The following BCHE variants were observed in gnomAD, a reference collection of about 807,000 sequenced individuals.
BCHE encodes the protein cholinesterase.
Under a neutral mutation model 51.3 loss-of-function variants are expected in BCHE, and 48 were observed. The observed-to-expected ratio is 0.94, with a 90% CI of 0.74 to 1.19. The LOEUF (loss-of-function observed/expected upper bound fraction) is 1.19. BCHE is among the 50% of genes most tolerant of loss of function. The probability of loss-of-function intolerance (pLI) is 0.00; values close to 1 mark genes in which losing one functional copy is unlikely to be tolerated. For synonymous variants in BCHE, 251 were observed against 238.0 expected (o/e 1.05, Z -0.50); for missense variants, 847 against 708.2 (o/e 1.20, Z -2.23).
At chr3:165,835,085 T>C (rs1278087385) in intron 1 of BCHE, among the ~76,000 whole-genome samples, 1 of 151,878 alleles carries the variant, frequency 6.6e-6, no homozygotes, top group African/African-American at 2.4e-5. Context: ...TTTGAGGAAT[T>C]TGAGTTTTTG....
chr3:165,831,712 C>T (rs1468355871), intron 1 of BCHE, among the ~76,000 whole-genome samples: 1 of 152,108 alleles, frequency 6.6e-6, no homozygotes, highest in Non-Finnish European at 1.5e-5. Flanking sequence ...AACTAACAAA[C>T]ATGCTACCAC....
chr3:165,825,746 C>T (rs1244061356), intron 2 of BCHE, among the ~76,000 whole-genome samples: 3 of 152,126 alleles, frequency 2.0e-5, no homozygotes, highest in Non-Finnish European at 2.9e-5. Flanking sequence ...TGTTCCCCTT[C>T]CTGTGTCCAT....
At chr3:165,827,036 T>G (rs1195741157) in intron 2 of BCHE, among the ~76,000 whole-genome samples, 1 of 152,046 alleles carries the variant, frequency 6.6e-6, no homozygotes, top group East Asian at 1.9e-4. Context: ...CCCTTGGAAA[T>G]TACAGATTTG....
intron 1 of BCHE, among the ~76,000 whole-genome samples, chr3:165,834,582 C>A (rs1715118826): frequency 6.6e-6 from 1 of 151,682 alleles, no homozygotes; most frequent in Non-Finnish European, 1.5e-5. Flanking sequence ...TCACTTTGCC[C>A]TTTTTATAAT....
intron 2 of BCHE, among the ~76,000 whole-genome samples, chr3:165,791,211 C>G (rs1231962019): frequency 2.0e-5 from 3 of 151,616 alleles, no homozygotes; most frequent in African/African-American, 7.3e-5. Flanking sequence ...AGGAGAATGG[C>G]TTGAACCCGG....
At chr3:165,824,971 TA>T (rs1714665628) in intron 2 of BCHE, among the ~76,000 whole-genome samples, 1 of 152,094 alleles carries the variant, frequency 6.6e-6, no homozygotes, top group Admixed American at 6.6e-5. Context: ...AAGCTGATTC[TA>T]ATCTTTATTT....
chr3:165,811,239 G>T (rs184954018), intron 2 of BCHE, among the ~76,000 whole-genome samples: 1 of 152,080 alleles, frequency 6.6e-6, no homozygotes, highest in African/African-American at 2.4e-5. Context: ...TTTGTAGGCA[G>T]TTAGACTCTT....
At chr3:165,835,349 A>T (rs1303643227) in intron 1 of BCHE, among the ~76,000 whole-genome samples, 1 of 151,856 alleles carries the variant, frequency 6.6e-6, no homozygotes, top group Non-Finnish European at 1.5e-5. Flanking sequence ...TATCAACCAG[A>T]TTTTCAAAAT....
At chr3:165,832,381 C>T (rs573517702) in intron 1 of BCHE, among the ~76,000 whole-genome samples, 3 of 150,760 alleles carry the variant, frequency 2.0e-5, no homozygotes, top group African/African-American at 7.3e-5. Flanking sequence ...CAACCTCTGC[C>T]TCCTGGGCTC....
rs1383286555 is a variant in BCHE, at chr3:165,829,871, C to T, written c.1163G>A (p.Gly388Glu). 6.2e-7 allele frequency: 1 copy of T among 1,611,786 alleles called. No homozygotes were observed. Among genetic ancestry groups the T allele is most frequent in the Non-Finnish European group, 8.5e-7 (1 of 1,179,316 alleles). Reference sequence around the variant, plus strand: ...GGATTCCTTTCCAAACTCACTCACTCCTGGAAAAAATATTTTTAAACCTTC... The same window carrying T: ...GGATTCCTTTCCAAACTCACTCACTTCTGGAAAAAATATTTTTAAACCTTC... ...FQEGLKIFFPGVSEFGKESIL... is the reference protein window; with the variant it reads ...FQEGLKIFFPEVSEFGKESIL... The change falls in exon 2 of 4, where the codon GGA (glycine) becomes GAA (glutamate). Residue 388 changes from glycine (G) to glutamate (E), a missense_variant. Coordinates refer to ENST00000264381, the MANE Select transcript of BCHE (RefSeq NM_000055.4).
At chr3:165,785,069 G>C (rs1392794832) in intron 3 of BCHE, among the ~76,000 whole-genome samples, 1 of 151,668 alleles carries the variant, frequency 6.6e-6, no homozygotes, top group African/African-American at 2.4e-5. Flanking sequence ...AGCAGATGGA[G>C]TACATAATTA....
At chr3:165,774,192 T>G (rs1576830763) in intron 3 of BCHE, among the ~76,000 whole-genome samples, 3 of 152,138 alleles carry the variant, frequency 2.0e-5, no homozygotes, top group Non-Finnish European at 2.9e-5. Flanking sequence ...TATCAAATGT[T>G]TTTGACTCGT....
intron 3 of BCHE, among the ~76,000 whole-genome samples, chr3:165,774,922 A>G (rs1712405604): frequency 6.6e-6 from 1 of 150,944 alleles, no homozygotes; most frequent in African/African-American, 2.4e-5. Context: ...CTATTAAATT[A>G]CAATGTTTTA....
intron 2 of BCHE, among the ~76,000 whole-genome samples, chr3:165,793,446 G>A (rs1208433614): frequency 6.6e-6 from 1 of 151,898 alleles, no homozygotes; most frequent in Non-Finnish European, 1.5e-5. Flanking sequence ...CTCATGAGAG[G>A]GTAAGTCTCA....
At chr3:165,791,386 A>G (rs1713158515) in intron 2 of BCHE, among the ~76,000 whole-genome samples, 1 of 152,184 alleles carries the variant, frequency 6.6e-6, no homozygotes. Context: ...CAGATGGTTC[A>G]AGGTGACCAA....
intron 3 of BCHE, among the ~76,000 whole-genome samples, chr3:165,775,564 A>G (rs1321051688): frequency 6.6e-6 from 1 of 151,696 alleles, no homozygotes; most frequent in African/African-American, 2.4e-5. Flanking sequence ...ATTTTTGGTA[A>G]TTTAAAATTT....
intron 2 of BCHE, among the ~76,000 whole-genome samples, chr3:165,822,470 G>A (rs1309432090): frequency 6.6e-6 from 1 of 152,004 alleles, no homozygotes; most frequent in Non-Finnish European, 1.5e-5. Flanking sequence ...CAATGAGAGA[G>A]TTATATTTAT....
At chr3:165,819,828 C>T (rs750948637) in intron 2 of BCHE, among the ~76,000 whole-genome samples, 7 of 152,066 alleles carry the variant, frequency 4.6e-5, no homozygotes, top group Non-Finnish European at 1.0e-4. Flanking sequence ...ATTTTATTTA[C>T]TATGTTTTGT....
chr3:165,827,716 A>T (rs1403973339), intron 2 of BCHE, among the ~76,000 whole-genome samples: 1 of 152,124 alleles, frequency 6.6e-6, no homozygotes, highest in East Asian at 1.9e-4. Context: ...AATTAAAAAC[A>T]TATATAAATG....
Sources: gnomAD v4.1 joint callset for allele counts (sites outside exome capture counted in the v4.1 genomes callset) on GRCh38, gnomAD v4.1.1 for gene constraint, MANE v1.5 for transcripts, NCBI Gene and HGNC (gene_info 2026-07-23, HGNC 2026-07-21) for gene names.